The following TRPM3 variants were observed in gnomAD, a reference collection of about 807,000 sequenced individuals.
TRPM3 encodes the protein long transient receptor potential channel 3.
Under a neutral mutation model 181.2 loss-of-function variants are expected in TRPM3, and 77 were observed. The observed-to-expected ratio is 0.42, with a 90% CI of 0.35 to 0.51. The LOEUF (loss-of-function observed/expected upper bound fraction) is 0.51. TRPM3 is among the 20% of genes least tolerant of loss of function. The pLI is 0.01. For missense variants in TRPM3, 1,759 were observed against 2,196.7 expected, an observed-to-expected ratio of 0.80 and a Z score of 3.98; for synonymous variants, 745 against 796.4, an observed-to-expected ratio of 0.94 and a Z score of 1.09.
At chr9:70,656,780 GAAAACAT>G (rs973601812) in intron 9 of TRPM3, among the ~76,000 whole-genome samples, 34 of 151,966 alleles carry the variant, frequency 2.2e-4, no homozygotes, top group African/African-American at 7.7e-4. Flanking sequence ...TAAATTGTAG[GAAAACAT>G]TCTTTCTAAA....
intron 3 of TRPM3, among the ~76,000 whole-genome samples, chr9:70,849,852 G>T (rs1466538836): frequency 6.6e-6 from 1 of 152,054 alleles, no homozygotes; most frequent in African/African-American, 2.4e-5. Context: ...ATGCTTTCGG[G>T]TCTGGAAAAC....
At chr9:71,080,207 T>TAAATAAATAAATAAATAAAA (rs1396432862) in intron 1 of TRPM3, among the ~76,000 whole-genome samples, 20 of 145,750 alleles carry the variant, frequency 1.4e-4, no homozygotes, top group East Asian at 2.0e-4. Flanking sequence ...AATAAATAAA[T>TAAATAAATAAATAAATAAAA]AAAATAAAAA....
intron 1 of TRPM3, among the ~76,000 whole-genome samples, chr9:71,069,769 T>C (rs2062473768): frequency 1.3e-5 from 2 of 151,898 alleles, no homozygotes; most frequent in Non-Finnish European, 2.9e-5. Context: ...CCACCACACC[T>C]AGCTAATTTT....
chr9:71,278,308 A>C lies in TRPM3; in HGVS notation c.183+168345T>G, dbSNP rs576670722. On this transcript the variant is annotated intron_variant, in intron 1 of 24. Transcript: ENST00000357533. ...TCCATGGAAGAGTGGTCCCCCAAAG[A>C]AGCACAGAACATTAGCACTTGGCCA... Among the ~76,000 whole-genome samples the C allele has an allele frequency of 2.0e-5, 3 of 152,330 alleles. No homozygotes were observed. In the South Asian group the frequency reaches 6.2e-4, roughly 32 times the overall value.
At chr9:70,693,157 C>A (rs967103117) in intron 8 of TRPM3, among the ~76,000 whole-genome samples, 3 of 152,182 alleles carry the variant, frequency 2.0e-5, no homozygotes, top group Admixed American at 6.5e-5. Flanking sequence ...GTCGTCTACT[C>A]TTCCCTGCTT....
rs1554880746 is a variant in TRPM3 at position 71,344,050 on chromosome 9, T to TAGATTA, written c.183+102602_183+102603insTAATCT. 4.5e-4 allele frequency among the ~76,000 whole-genome samples: 68 copies of TAGATTA among 149,470 alleles called. 2 individuals are homozygous for TAGATTA. Among genetic ancestry groups the TAGATTA allele is most frequent in the African/African-American group, 1.4e-3 (57 of 40,204 alleles). On this transcript the variant is annotated intron_variant, in intron 1 of 24. Transcript: ENST00000357533. ...TAGATTAGATTAGATTAGATTAGATTGATAGATAGATAAACTGAAGAGGAG... is the reference window on the plus strand; with the variant it reads ...TAGATTAGATTAGATTAGATTAGATTAGATTAGATAGATAGATAAACTGAAGAGGAG...
At chr9:70,614,376 G>A (rs2062454403) in intron 18 of TRPM3, among the ~76,000 whole-genome samples, 1 of 151,772 alleles carries the variant, frequency 6.6e-6, no homozygotes, top group African/African-American at 2.4e-5. Flanking sequence ...CAGCTACTTG[G>A]GAGGCTGAGG....
At chr9:70,792,261 G>A (rs2085627597) in intron 6 of TRPM3, among the ~76,000 whole-genome samples, 1 of 152,138 alleles carries the variant, frequency 6.6e-6, no homozygotes, top group South Asian at 2.1e-4. Flanking sequence ...TGGGAGATGG[G>A]CTTCCAGGGC....
chr9:70,976,077 C>A (rs567885615), intron 1 of TRPM3, among the ~76,000 whole-genome samples: 1 of 152,258 alleles, frequency 6.6e-6, no homozygotes, highest in Admixed American at 6.5e-5. Flanking sequence ...ATTTTCAGTG[C>A]AATCACTTAG....
chr9:70,553,681 C>T (rs995338481), intron 22 of TRPM3, among the ~76,000 whole-genome samples: 1 of 152,198 alleles, frequency 6.6e-6, no homozygotes, highest in Admixed American at 6.5e-5. Flanking sequence ...AAAGTCCCAC[C>T]ACTGGCAAGT....
chr9:70,603,765 T>C (rs2060500647), intron 19 of TRPM3, among the ~76,000 whole-genome samples: 1 of 152,224 alleles, frequency 6.6e-6, no homozygotes, highest in Non-Finnish European at 1.5e-5. Context: ...CATTTTTGTG[T>C]GTTTTCTTGG....
At chr9:71,382,637 A>T (rs1173277126) in intron 1 of TRPM3, among the ~76,000 whole-genome samples, 2 of 151,846 alleles carry the variant, frequency 1.3e-5, no homozygotes, top group African/African-American at 4.8e-5. Context: ...CTTGATTGGA[A>T]TTTTTTTAAA....
intron 21 of TRPM3, among the ~76,000 whole-genome samples, chr9:70,595,555 A>G (rs933460493): frequency 1.3e-5 from 2 of 152,176 alleles, no homozygotes; most frequent in African/African-American, 2.4e-5. Flanking sequence ...AATGTGGCCT[A>G]ATTTTATAGC....
chr9:70,764,464 G>C (rs1232040072), intron 7 of TRPM3, among the ~76,000 whole-genome samples: 3 of 152,138 alleles, frequency 2.0e-5, no homozygotes, highest in African/African-American at 7.2e-5. Flanking sequence ...GTCATTATCT[G>C]CATGAGGGAT....
At chr9:70,631,261 C>A (rs117884390) in intron 12 of TRPM3, among the ~76,000 whole-genome samples, 1 of 152,214 alleles carries the variant, frequency 6.6e-6, no homozygotes, top group East Asian at 1.9e-4. Flanking sequence ...ATCGGGCAAC[C>A]AATCCTCTGA....
At chr9:70,761,389 A>T in intron 8 of TRPM3, 1 of 692,476 alleles carries the variant, frequency 1.4e-6, no homozygotes, top group Non-Finnish European at 2.6e-6. Context: ...ATGATGCTAA[A>T]ACTCTGCTGC....
chr9:71,438,650 G>T lies in TRPM3; in HGVS notation c.183+8003C>A, dbSNP rs371709741. Among the ~76,000 whole-genome samples, 535 of 152,320 alleles carry T rather than the reference G, an allele frequency of 3.5e-3. 2 individuals carry two copies. The highest frequency in any genetic ancestry group is 0.012 in the African/African-American group (497 of 41,572). On this transcript the variant is annotated intron_variant, in intron 1 of 24. Transcript: ENST00000357533. ...ATTGTGCCACTGCACCCCAGCCTGGGCGATAGAGTGAGACTCTGCCTCAAA... is the reference window on the plus strand; with the variant it reads ...ATTGTGCCACTGCACCCCAGCCTGGTCGATAGAGTGAGACTCTGCCTCAAA...
intron 1 of TRPM3, among the ~76,000 whole-genome samples, chr9:70,995,250 C>G (rs2097530963): frequency 6.6e-6 from 1 of 152,188 alleles, no homozygotes; most frequent in African/African-American, 2.4e-5. Flanking sequence ...CTAATTAACT[C>G]TCTTTGAACT....
chr9:70,584,317 G>A (rs2056656471), intron 22 of TRPM3, among the ~76,000 whole-genome samples: 1 of 152,108 alleles, frequency 6.6e-6, no homozygotes, highest in African/African-American at 2.4e-5. Flanking sequence ...CTACATTGTG[G>A]TTCCGAGGCA....
Sources: allele counts gnomAD v4.1 joint callset (sites outside exome capture counted in the v4.1 genomes callset), GRCh38; gene constraint gnomAD v4.1.1; transcripts MANE v1.5; gene names NCBI Gene and HGNC (gene_info 2026-07-23, HGNC 2026-07-21).